The following PAWR variants were observed in gnomAD, a reference collection of about 807,000 sequenced individuals.
The protein encoded by PAWR is pro-apoptotic WT1 regulator, also known as PRKC apoptosis WT1 regulator protein.
A neutral mutation model predicts 32.0 loss-of-function variants in PAWR; 23 were observed. That is an observed-to-expected ratio of 0.72 (90% CI 0.52 to 1.02). The LOEUF (loss-of-function observed/expected upper bound fraction) is 1.02, where lower values mean the gene tolerates loss of function less well. Ranked by LOEUF, PAWR falls within the 50% of genes least tolerant of loss-of-function variation. PAWR has a pLI of 0.00. For missense variants in PAWR, 457 were observed against 437.7 expected, an observed-to-expected ratio of 1.04 and a Z score of -0.39; for synonymous variants, 226 against 187.1, an observed-to-expected ratio of 1.21 and a Z score of -1.70.
chr12:79,617,779 T>C (rs1874810783), intron 3 of PAWR, among the ~76,000 whole-genome samples: 1 of 152,138 alleles, frequency 6.6e-6, no homozygotes. Context: ...TAATCTCCAG[T>C]GTTGAAGGCG....
chr12:79,615,836 C>A (rs1001569153), intron 3 of PAWR, among the ~76,000 whole-genome samples: 4 of 151,920 alleles, frequency 2.6e-5, no homozygotes, highest in African/African-American at 9.7e-5. Flanking sequence ...GGGAGTGGAT[C>A]ACTTGAGCCC....
intron 2 of PAWR, among the ~76,000 whole-genome samples, chr12:79,632,644 T>C (rs771573067): frequency 1.1e-4 from 17 of 151,654 alleles, no homozygotes; most frequent in African/African-American, 4.1e-4. Flanking sequence ...TCTGGGATTA[T>C]AGGCGTGCAG....
intron 2 of PAWR, among the ~76,000 whole-genome samples, chr12:79,627,343 A>T (rs1165006680): frequency 6.6e-6 from 1 of 152,214 alleles, no homozygotes; most frequent in African/African-American, 2.4e-5. Context: ...ATGGCCAGTG[A>T]TGATGAGCAT....
In PAWR at chr12:79,621,059, T is replaced by A; in HGVS notation, c.648+17A>T. 6.3e-7 allele frequency: 1 copy of A among 1,576,456 alleles called. No homozygotes were observed. Reference sequence around the variant, plus strand: ...ATTAAAATAGATAGTGACTTCCTGGTATTTTTAAATACTCACCTGTAGCAG... The same window carrying A: ...ATTAAAATAGATAGTGACTTCCTGGAATTTTTAAATACTCACCTGTAGCAG... On this transcript the variant is annotated intron_variant, in intron 3 of 6. Transcript: ENST00000328827.
intron 2 of PAWR, among the ~76,000 whole-genome samples, chr12:79,635,393 A>G (rs938131114): frequency 6.6e-6 from 1 of 152,126 alleles, no homozygotes; most frequent in African/African-American, 2.4e-5. Context: ...ATTACTGGTT[A>G]TGGAGCAGAA....
chr12:79,598,812 C>T (rs1050468707), intron 4 of PAWR, among the ~76,000 whole-genome samples: 16 of 152,230 alleles, frequency 1.1e-4, no homozygotes, highest in African/African-American at 3.9e-4. Context: ...TTCTGGCTCA[C>T]TGCAACCTCC....
In PAWR at chr12:79,592,554, T is replaced by C. The variant is rs1453015908; in HGVS notation, c.*53A>G. 8 of 733,510 alleles carry C rather than the reference T, an allele frequency of 1.1e-5. No individual in the cohort carries two copies. Among genetic ancestry groups the C allele is most frequent in the Non-Finnish European group, 1.7e-5 (7 of 405,028 alleles). The allele number at this position is 733,510 out of a possible 1,614,324, so 45.4% of individuals were successfully genotyped here. On this transcript the variant is annotated 3_prime_UTR_variant, in exon 7 of 7. Coordinates refer to ENST00000328827, the MANE Select transcript of PAWR (RefSeq NM_002583.4). ...GGAATATTGTGCTAGCATTGACCAT[T>C]AACATTCAATCAGTAGTTTAAAATA... is the stretch of plus-strand genomic sequence containing the variant.
chr12:79,648,444 C>T (rs144140619), intron 2 of PAWR, among the ~76,000 whole-genome samples: 2 of 152,054 alleles, frequency 1.3e-5, no homozygotes, highest in African/African-American at 2.4e-5. Flanking sequence ...TATTGAGCAA[C>T]CCAAACAACA....
intron 5 of PAWR, among the ~76,000 whole-genome samples, chr12:79,594,915 C>T (rs1873691471): frequency 6.6e-6 from 1 of 152,122 alleles, no homozygotes; most frequent in Non-Finnish European, 1.5e-5. Flanking sequence ...TGGGGCTTTG[C>T]CATGTTGCCC....
Position 79,628,316 on chromosome 12 carries a change from T to A in PAWR, c.517-7109A>T, listed in dbSNP as rs192220156. Among the ~76,000 whole-genome samples, 51 of 151,996 alleles carry A rather than the reference T, an allele frequency of 3.4e-4. No individual in the cohort carries two copies. In the East Asian group the frequency reaches 9.7e-3, roughly 29 times the overall value. ...TCTGGGACACATTCAAAGCAGTGTG[T>A]AGAGGTAAATTTATAGCACTAAATG... On this transcript the variant is annotated intron_variant, in intron 2 of 6. Transcript: ENST00000328827.
intron 2 of PAWR, among the ~76,000 whole-genome samples, chr12:79,650,570 G>C (rs1159952762): frequency 6.6e-6 from 1 of 152,240 alleles, no homozygotes; most frequent in South Asian, 2.1e-4. Context: ...TGTAAAAACA[G>C]ATAGTAAATA....
chr12:79,627,860 G>A (rs1467353748), intron 2 of PAWR, among the ~76,000 whole-genome samples: 1 of 152,126 alleles, frequency 6.6e-6, no homozygotes, highest in Non-Finnish European at 1.5e-5. Context: ...ATAATAATGG[G>A]AGACTTTAAC....
At chr12:79,661,475 A>C (rs1334050178) in intron 2 of PAWR, among the ~76,000 whole-genome samples, 1 of 152,152 alleles carries the variant, frequency 6.6e-6, no homozygotes, top group Non-Finnish European at 1.5e-5. Flanking sequence ...AGAAATAACA[A>C]CAATGGCTGT....
rs1873369059 is a variant in PAWR at position 79,585,747 on chromosome 12, G to A, written c.*6860C>T. ...TATTTTTGAGGTAGAGTCTTGCTCT[G>A]TCACCCAGGCTGGAGTGCAGTGGTG... On this transcript the variant is annotated 3_prime_UTR_variant, in exon 7 of 7. Transcript: ENST00000328827. 6.6e-6 allele frequency: 1 copy of A among 152,366 alleles called. No individual in the cohort carries two copies. Among genetic ancestry groups the A allele is most frequent in the Non-Finnish European group, 1.5e-5 (1 of 68,248 alleles). 9.4% of individuals were successfully genotyped at this position (152,366 alleles called of 1,614,324 possible).
chr12:79,639,694 G>C (rs144133354), intron 2 of PAWR, among the ~76,000 whole-genome samples: 1 of 152,036 alleles, frequency 6.6e-6, no homozygotes, highest in Non-Finnish European at 1.5e-5. Context: ...AAAAGTTTAG[G>C]TCTATATAAA....
chr12:79,649,003 G>A (rs1876715505), intron 2 of PAWR, among the ~76,000 whole-genome samples: 2 of 152,168 alleles, frequency 1.3e-5, no homozygotes, highest in African/African-American at 4.8e-5. Flanking sequence ...AAAGCTGAGT[G>A]AGCATCTGAG....
At chr12:79,621,651 T>C (rs1331787269) in intron 2 of PAWR, among the ~76,000 whole-genome samples, 2 of 152,178 alleles carry the variant, frequency 1.3e-5, no homozygotes, top group African/African-American at 2.4e-5. Context: ...TCTAGCTTTA[T>C]ATTCTATGAG....
At chr12:79,688,123 G>A (rs1240447663) in intron 2 of PAWR, among the ~76,000 whole-genome samples, 1 of 151,714 alleles carries the variant, frequency 6.6e-6, no homozygotes, top group African/African-American at 2.4e-5. Context: ...TACATTCTCA[G>A]CACTATGTTC....
rs2307220 is a variant in PAWR at position 79,592,094 on chromosome 12, A to C, written c.*513T>G. 52,820 of 152,506 alleles carry C rather than the reference A, an allele frequency of 0.35. 15,397 individuals are homozygous for C. The highest frequency in any genetic ancestry group is 0.8 in the African/African-American group (33,244 of 41,478). The allele number at this position is 152,506 out of a possible 1,614,324, so 9.4% of individuals were successfully genotyped here. A position where few individuals can be genotyped will look rare whatever the true frequency, so the allele number is the denominator to read the frequency against. ...TTCCTTTTAAAAGGTTGCTGTTATA[A>C]AAAAGTATGACTCTATTACTCTAAA... On this transcript the variant is annotated 3_prime_UTR_variant, in exon 7 of 7. Coordinates refer to ENST00000328827, the MANE Select transcript of PAWR (RefSeq NM_002583.4).
Sources: gnomAD v4.1 joint callset for allele counts (sites outside exome capture counted in the v4.1 genomes callset) on GRCh38, gnomAD v4.1.1 for gene constraint, MANE v1.5 for transcripts, NCBI Gene and HGNC (gene_info 2026-07-23, HGNC 2026-07-21) for gene names.